GPR137: variants seen among roughly 807,000 people sequenced by gnomAD.
GPR137 encodes the protein integral membrane protein GPR137.
In GPR137, 20 loss-of-function variants were observed where a neutral mutation model predicts 38.9. The observed-to-expected ratio is 0.51, with a 90% CI of 0.36 to 0.75. The LOEUF (loss-of-function observed/expected upper bound fraction) is 0.75, where lower values mean the gene tolerates loss of function less well. Ranked by LOEUF, GPR137 falls within the 30% of genes least tolerant of loss-of-function variation. The pLI, the probability that GPR137 is intolerant of heterozygous loss-of-function variation, is 0.00. For missense variants in GPR137, 456 were observed against 526.4 expected (o/e 0.87, Z 1.31); for synonymous variants, 226 against 235.8 (o/e 0.96, Z 0.38).
At chr11:64,283,957 G>A (rs2033658081), upstream of GPR137, among the ~76,000 whole-genome samples, 1 of 152,320 alleles carries the variant, frequency 6.6e-6, no homozygotes, top group Non-Finnish European at 1.5e-5. Context: ...TAGCTTTAAT[G>A]TGCACCAGCT....
upstream of GPR137, among the ~76,000 whole-genome samples, chr11:64,281,121 C>G (rs2033440357): frequency 6.6e-6 from 1 of 152,212 alleles, no homozygotes; most frequent in Admixed American, 6.5e-5. Context: ...GCGCCCACCA[C>G]CACGCCCAGA....
upstream of GPR137, among the ~76,000 whole-genome samples, chr11:64,279,594 C>T (rs1044743468): frequency 2.7e-5 from 4 of 150,620 alleles, no homozygotes; most frequent in Admixed American, 6.6e-5. Context: ...GTGAAACCCC[C>T]GTCTCCACTA....
At chr11:64,285,321 C>T, upstream of GPR137, 3 of 985,658 alleles carry the variant, frequency 3.0e-6, no homozygotes, top group Non-Finnish European at 2.4e-6. Flanking sequence ...GGGCCGGGGA[C>T]CCGGTGAGGG....
chr11:64,279,590 C>T (rs896421998), upstream of GPR137, among the ~76,000 whole-genome samples: 1 of 151,158 alleles, frequency 6.6e-6, no homozygotes, highest in South Asian at 2.1e-4. Flanking sequence ...CATGGTGAAA[C>T]CCCCGTCTCC....
Position 64,286,075 on chromosome 11 carries a change from G to A in GPR137, c.-450G>A. ...AGGAGAGAGAGCCTCCCCCAGCTTG[G>A]GGAGGGGGAGAGCGGGGCATTGGGC... is the stretch of plus-strand genomic sequence containing the variant. On this transcript the variant is annotated 5_prime_UTR_variant, in exon 1 of 7. Transcript: ENST00000438980. 1 of 992,816 alleles carries A rather than the reference G, an allele frequency of 1.0e-6. No individual in the cohort carries two copies. 61.5% of individuals were successfully genotyped at this position (992,816 alleles called of 1,614,324 possible).
At chr11:64,287,209 G>A (rs2034193261) in intron 2 of GPR137, 195 bp downstream of exon 2, 3 of 985,144 alleles carry the variant, frequency 3.0e-6, no homozygotes, top group Non-Finnish European at 3.6e-6. Context: ...CACAGGAATA[G>A]GAATGCTTGT....
chr11:64,277,070 C>G, intron 2 of GPR137: 1 of 702,262 alleles, frequency 1.4e-6, no homozygotes, highest in Non-Finnish European at 2.7e-6. Context: ...GAAACAGAGG[C>G]ACACTTAATT....
upstream of GPR137, among the ~76,000 whole-genome samples, chr11:64,274,613 G>A (rs1468390140): frequency 6.6e-6 from 1 of 152,120 alleles, no homozygotes; most frequent in East Asian, 1.9e-4. Context: ...ACGAGGTCAG[G>A]AGTTCGAGAC....
At chr11:64,285,347 G>A (rs1176940731), upstream of GPR137, 132 of 985,244 alleles carry the variant, frequency 1.3e-4, 2 homozygotes, top group Non-Finnish European at 6.0e-6. Context: ...CGTAGGGCCC[G>A]TGGGGGCTTC....
chr11:64,283,490 C>T (rs1208593357), upstream of GPR137, among the ~76,000 whole-genome samples: 5 of 152,250 alleles, frequency 3.3e-5, no homozygotes, highest in South Asian at 2.1e-4. Context: ...GTGCTTCTCA[C>T]CCCACACAGC....
intron 2 of GPR137, chr11:64,276,821 C>T (rs1016363315): frequency 1.5e-4 from 105 of 679,400 alleles, no homozygotes; most frequent in South Asian, 4.1e-4. Flanking sequence ...TCTTGCCATC[C>T]GCCTAGAGCC....
At chr11:64,282,881 G>GA (rs541902877), upstream of GPR137, among the ~76,000 whole-genome samples, 7,190 of 87,828 alleles carry the variant, frequency 0.082, 316 homozygotes, top group Non-Finnish European at 0.12. Context: ...TCCGTCTCAG[G>GA]AAAAAAAAAA....
chr11:64,273,879 A>AT (rs386373987), upstream of GPR137, among the ~76,000 whole-genome samples: 4 of 151,006 alleles, frequency 2.6e-5, no homozygotes, highest in Non-Finnish European at 4.4e-5. Flanking sequence ...AAAAAAAAAA[A>AT]AGAGAGGCAG....
upstream of GPR137, chr11:64,271,687 G>C: frequency 6.8e-7 from 1 of 1,476,330 alleles, no homozygotes; most frequent in Non-Finnish European, 9.0e-7. Context: ...CAGAGGTTGG[G>C]GGGCGCCGAG....
chr11:64,286,286 A>G lies in GPR137; in HGVS notation c.-239A>G. 1 of 1,389,500 alleles carries G rather than the reference A, an allele frequency of 7.2e-7. No individual in the cohort carries two copies. The highest frequency in any genetic ancestry group is 9.3e-7 in the Non-Finnish European group (1 of 1,076,350). 86.1% of individuals were successfully genotyped at this position (1,389,500 alleles called of 1,614,324 possible). On this transcript the variant is annotated 5_prime_UTR_variant, in exon 1 of 7. Transcript: ENST00000438980. ...ACCCCTATCCGGTCTGTCCTGGAGA[A>G]AAGAGACTGCCCTTCCATGCCCCTG...
At chr11:64,284,975 C>T (rs2510066), upstream of GPR137, 476,836 of 1,358,148 alleles carry the variant, frequency 0.35, 87,774 homozygotes, top group Non-Finnish European at 0.38. Context: ...TCCTTCAGCC[C>T]CTCTGGGCCT....
intron 2 of GPR137, chr11:64,287,262 G>T (rs1286116102): frequency 1.0e-6 from 1 of 985,306 alleles, no homozygotes; most frequent in Admixed American, 6.1e-5. Context: ...CACCATGGAG[G>T]GCGAGCTGGA....
chr11:64,284,472 T>C (rs1365262261), upstream of GPR137: 1 of 1,594,556 alleles, frequency 6.3e-7, no homozygotes, highest in South Asian at 1.1e-5. Context: ...TCTCCCACCG[T>C]AGCGCCCCCA....
At chr11:64,276,752 G>A (rs1298335498) in intron 2 of GPR137, 2 of 590,608 alleles carry the variant, frequency 3.4e-6, no homozygotes, top group Middle Eastern at 4.5e-4. Flanking sequence ...CTCTGGGGAA[G>A]GGAAGGGGTG....
Sources: gnomAD v4.1 joint callset for allele counts (sites outside exome capture counted in the v4.1 genomes callset) on GRCh38, gnomAD v4.1.1 for gene constraint, MANE v1.5 for transcripts, NCBI Gene and HGNC (gene_info 2026-07-23, HGNC 2026-07-21) for gene names.